The following PCDHA13 variants were observed in gnomAD, a reference collection of about 807,000 sequenced individuals.
The protein encoded by PCDHA13 is protocadherin alpha-13.
A neutral mutation model predicts 64.8 loss-of-function variants in PCDHA13; 54 were observed. The ratio of observed to expected loss-of-function variants is 0.83; its 90% CI spans 0.67 to 1.04. The LOEUF (loss-of-function observed/expected upper bound fraction) is 1.04, where lower values mean the gene tolerates loss of function less well. PCDHA13 is among the 50% of genes least tolerant of loss of function. The pLI, the probability that PCDHA13 is intolerant of heterozygous loss-of-function variation, is 0.00. For missense variants in PCDHA13, 1,248 were observed against 1,254.3 expected, an observed-to-expected ratio of 0.99 and a Z score of 0.08; for synonymous variants, 587 against 564.4, an observed-to-expected ratio of 1.04 and a Z score of -0.57.
chr5:140,894,293 T>A (rs782004160), intron 1 of PCDHA13, among the ~76,000 whole-genome samples: 1 of 152,100 alleles, frequency 6.6e-6, no homozygotes, highest in Non-Finnish European at 1.5e-5. Context: ...TGAAGTTTAT[T>A]TTCCTGGAAA....
At chr5:140,923,971 A>G (rs557891257) in intron 1 of PCDHA13, among the ~76,000 whole-genome samples, 2 of 152,330 alleles carry the variant, frequency 1.3e-5, no homozygotes, top group East Asian at 3.9e-4. Flanking sequence ...ATACCCACAC[A>G]TACTATCCCT....
chr5:140,972,905 A>C (rs1188926107), intron 1 of PCDHA13, among the ~76,000 whole-genome samples: 18 of 151,782 alleles, frequency 1.2e-4, no homozygotes, highest in African/African-American at 4.4e-4. Flanking sequence ...CTTGTGATCC[A>C]CCCGCCTTGG....
At chr5:140,903,824 T>A (rs1439298617) in intron 1 of PCDHA13, among the ~76,000 whole-genome samples, 3 of 152,202 alleles carry the variant, frequency 2.0e-5, no homozygotes, top group Admixed American at 2.0e-4. Context: ...CACATGAATG[T>A]CTGTTGGTAT....
chr5:140,888,611 G>T (rs1554183538), intron 1 of PCDHA13, among the ~76,000 whole-genome samples: 1 of 152,144 alleles, frequency 6.6e-6, no homozygotes, highest in Non-Finnish European at 1.5e-5. Context: ...TTTTAGTGTA[G>T]CACTAATTCG....
At chr5:140,884,698 A>G (rs782573200) in intron 1 of PCDHA13, 36 bp downstream of exon 1, 13 of 1,502,610 alleles carry the variant, frequency 8.7e-6, no homozygotes, top group African/African-American at 1.4e-5. Context: ...CTTAGTAAAC[A>G]CTTTAGCCTT....
At chr5:140,973,753 G>A (rs935956688) in intron 1 of PCDHA13, among the ~76,000 whole-genome samples, 1 of 152,244 alleles carries the variant, frequency 6.6e-6, no homozygotes, top group Non-Finnish European at 1.5e-5. Flanking sequence ...ACACTCTGCA[G>A]GGACACAGCC....
chr5:140,986,018 C>T (rs943946792), intron 3 of PCDHA13, among the ~76,000 whole-genome samples: 2 of 152,110 alleles, frequency 1.3e-5, no homozygotes, highest in African/African-American at 2.4e-5. Flanking sequence ...GGATTACAGG[C>T]GTGAGCCACT....
chr5:140,911,724 C>T (rs1255448143), intron 1 of PCDHA13, among the ~76,000 whole-genome samples: 1 of 151,192 alleles, frequency 6.6e-6, no homozygotes, highest in Non-Finnish European at 1.5e-5. Context: ...ACTCTGTAAA[C>T]AGTTCGTGCC....
At chr5:140,886,596 G>C (rs1359025262) in intron 1 of PCDHA13, among the ~76,000 whole-genome samples, 1 of 152,008 alleles carries the variant, frequency 6.6e-6, no homozygotes, top group East Asian at 1.9e-4. Context: ...GGGAGGCCAA[G>C]GTGGGCGGAT....
At chr5:140,911,785 T>C (rs1334155529) in intron 1 of PCDHA13, among the ~76,000 whole-genome samples, 1 of 152,180 alleles carries the variant, frequency 6.6e-6, no homozygotes, top group Non-Finnish European at 1.5e-5. Context: ...CTTAGCATTT[T>C]TGGGTCTAAT....
intron 3 of PCDHA13, among the ~76,000 whole-genome samples, chr5:140,988,734 T>C (rs2097310672): frequency 1.3e-5 from 2 of 152,212 alleles, no homozygotes. Context: ...ATAGTAATTA[T>C]TCTAGGATTG....
chr5:140,928,572 C>T, intron 1 of PCDHA13: 1 of 1,614,200 alleles, frequency 6.2e-7, no homozygotes, highest in Non-Finnish European at 8.5e-7. Flanking sequence ...TTCCCTTGCC[C>T]AGAAATGGTT....
At chr5:140,906,713 G>A (rs1554192665) in intron 1 of PCDHA13, among the ~76,000 whole-genome samples, 1 of 152,160 alleles carries the variant, frequency 6.6e-6, no homozygotes, top group Non-Finnish European at 1.5e-5. Flanking sequence ...AGTCCTGCCT[G>A]GATTGTGCTG....
chr5:140,934,569 A>AT (rs1286294364), intron 1 of PCDHA13, among the ~76,000 whole-genome samples: 1 of 152,044 alleles, frequency 6.6e-6, no homozygotes, highest in Admixed American at 6.6e-5. Context: ...TTTTTAATTA[A>AT]TTGTAACATT....
Position 141,010,550 on chromosome 5 carries a change from ACC to A in PCDHA13, c.*617_*618del. 3.2e-6 allele frequency: 1 copy of A among 316,712 alleles called. No individual in the cohort carries two copies. The highest frequency in any genetic ancestry group is 5.8e-6 in the Non-Finnish European group (1 of 172,196). The allele number at this position is 316,712 out of a possible 1,614,324, so 19.6% of individuals were successfully genotyped here. ...CAGCCACCCTCTAGGAGACAAAACT[ACC>A]CCCACTGACAAGGCTTTAGGAGACC... On this transcript the variant is annotated 3_prime_UTR_variant, in exon 4 of 4. Transcript: ENST00000289272.
chr5:140,914,126 G>T (rs2076615202), intron 1 of PCDHA13, among the ~76,000 whole-genome samples: 1 of 152,132 alleles, frequency 6.6e-6, no homozygotes, highest in Non-Finnish European at 1.5e-5. Context: ...ATGTTTCTTT[G>T]TTGAGTTTTT....
At chr5:140,983,171 C>T (rs1371766725) in intron 3 of PCDHA13, among the ~76,000 whole-genome samples, 2 of 152,136 alleles carry the variant, frequency 1.3e-5, no homozygotes, top group Non-Finnish European at 2.9e-5. Flanking sequence ...AACATGACCG[C>T]CTCACAATTT....
chr5:140,965,168 T>C (rs1484687706), intron 1 of PCDHA13, among the ~76,000 whole-genome samples: 1 of 152,180 alleles, frequency 6.6e-6, no homozygotes, highest in Non-Finnish European at 1.5e-5. Context: ...GACGTTTTAG[T>C]GAGTGCTTTT....
At chr5:140,962,037 C>G (rs1449536712) in intron 1 of PCDHA13, among the ~76,000 whole-genome samples, 1 of 152,066 alleles carries the variant, frequency 6.6e-6, no homozygotes, top group African/African-American at 2.4e-5. Flanking sequence ...GCACCCACCA[C>G]CATGCCTGGC....
Sources: gnomAD v4.1 joint callset for allele counts (sites outside exome capture counted in the v4.1 genomes callset) on GRCh38, gnomAD v4.1.1 for gene constraint, MANE v1.5 for transcripts, NCBI Gene and HGNC (gene_info 2026-07-23, HGNC 2026-07-21) for gene names.